TMEM38B: variants seen among roughly 807,000 people sequenced by gnomAD.
TMEM38B encodes the protein trimeric intracellular cation channel type B.
In TMEM38B, 24 loss-of-function variants were observed where a neutral mutation model predicts 28.7. The ratio of observed to expected loss-of-function variants is 0.84; its 90% confidence interval spans 0.61 to 1.18. The LOEUF is 1.18. Ranked by LOEUF, TMEM38B falls within the 50% of genes most tolerant of loss-of-function variation. TMEM38B has a pLI of 0.00. For missense variants in TMEM38B, 380 were observed against 350.9 expected, an observed-to-expected ratio of 1.08 and a Z score of -0.66; for synonymous variants, 131 against 127.7, an observed-to-expected ratio of 1.03 and a Z score of -0.17.
At chr9:105,708,992 A>AT (rs61703546) in intron 2 of TMEM38B, among the ~76,000 whole-genome samples, 11,227 of 140,978 alleles carry the variant, frequency 0.08, 846 homozygotes, top group African/African-American at 0.2. Flanking sequence ...CACGTTGGCT[A>AT]TTTTTTTTTT....
At position 105,722,385 on chromosome 9, in the gene TMEM38B, G is replaced by A. The variant is rs113678163; in HGVS notation, c.455-149G>A. On this transcript the variant is annotated intron_variant, in intron 3 of 5. Transcript: ENST00000374692. The stretch of plus-strand genomic sequence containing the variant: ...TTGCAGTTGTTTTAGTACCCTAAAT[G>A]TACAAGGCAACTTTTTTCTTCTTTC... 270 of 676,412 alleles carry A rather than the reference G, an allele frequency of 4.0e-4. 1 individual carries two copies. In the African/African-American group the frequency reaches 4.4e-3, roughly 11 times the overall value. 41.9% of individuals were successfully genotyped at this position (676,412 alleles called of 1,614,324 possible). A position where few individuals can be genotyped will look rare whatever the true frequency, so the allele number is the denominator to read the frequency against.
chr9:105,727,520 A>G (rs968113735), intron 4 of TMEM38B, among the ~76,000 whole-genome samples: 11 of 152,336 alleles, frequency 7.2e-5, no homozygotes, highest in African/African-American at 2.4e-4. Flanking sequence ...TGTATTATAT[A>G]CTTACTTGGT....
intron 5 of TMEM38B, among the ~76,000 whole-genome samples, chr9:105,756,757 CTT>C (rs888030580): frequency 2.6e-5 from 4 of 152,068 alleles, no homozygotes; most frequent in East Asian, 1.9e-4. Context: ...TTGAACATCT[CTT>C]ATAATATTTC....
At chr9:105,749,187 T>G in intron 5 of TMEM38B, 1 of 1,086,280 alleles carries the variant, frequency 9.2e-7, no homozygotes, top group Non-Finnish European at 1.2e-6. Flanking sequence ...TGTATATTTT[T>G]TTCTAACAGC....
At chr9:105,699,333 T>G (rs1350786460) in intron 1 of TMEM38B, among the ~76,000 whole-genome samples, 2 of 152,194 alleles carry the variant, frequency 1.3e-5, no homozygotes, top group Non-Finnish European at 2.9e-5. Flanking sequence ...CAGTGATTGA[T>G]TCTCTAGAAC....
intron 5 of TMEM38B, among the ~76,000 whole-genome samples, chr9:105,749,478 G>C (rs1489553226): frequency 6.6e-6 from 1 of 152,164 alleles, no homozygotes; most frequent in Non-Finnish European, 1.5e-5. Flanking sequence ...AGACCCTCAT[G>C]ATTCAGTTAC....
chr9:105,736,189 G>A (rs1836970998), intron 4 of TMEM38B, among the ~76,000 whole-genome samples: 1 of 151,728 alleles, frequency 6.6e-6, no homozygotes, highest in African/African-American at 2.4e-5. Context: ...TATTAAATAA[G>A]CTTTCTGTCC....
At chr9:105,728,535 G>A (rs1836612144) in intron 4 of TMEM38B, among the ~76,000 whole-genome samples, 1 of 152,132 alleles carries the variant, frequency 6.6e-6, no homozygotes, top group Non-Finnish European at 1.5e-5. Context: ...TATGAATAGT[G>A]CCGCAGTAAA....
At chr9:105,724,805 T>C (rs1836448520) in intron 4 of TMEM38B, among the ~76,000 whole-genome samples, 1 of 152,206 alleles carries the variant, frequency 6.6e-6, no homozygotes, top group South Asian at 2.1e-4. Context: ...ACTCTTGATA[T>C]TCAGGGGAGA....
chr9:105,734,683 A>G (rs1165674729), intron 4 of TMEM38B, among the ~76,000 whole-genome samples: 1 of 152,076 alleles, frequency 6.6e-6, no homozygotes, highest in African/African-American at 2.4e-5. Flanking sequence ...ATCATTAAAT[A>G]CTGACCTTTG....
chr9:105,711,860 G>A (rs1835916234), intron 2 of TMEM38B, among the ~76,000 whole-genome samples: 1 of 150,886 alleles, frequency 6.6e-6, no homozygotes, highest in Non-Finnish European at 1.5e-5. Context: ...ATACAACTTT[G>A]TCACTTACCT....
chr9:105,745,662 C>T (rs1264813882), intron 4 of TMEM38B, among the ~76,000 whole-genome samples: 3 of 152,138 alleles, frequency 2.0e-5, no homozygotes, highest in Admixed American at 6.5e-5. Context: ...AGTCCTTGCC[C>T]ATGCCTATGT....
intron 5 of TMEM38B, among the ~76,000 whole-genome samples, chr9:105,773,589 A>G (rs1029146032): frequency 1.3e-5 from 2 of 152,096 alleles, no homozygotes; most frequent in African/African-American, 4.8e-5. Context: ...ATTTTATCTT[A>G]CTTCCTTTGA....
intron 4 of TMEM38B, among the ~76,000 whole-genome samples, chr9:105,736,307 C>T (rs758027058): frequency 3.0e-4 from 45 of 151,930 alleles, no homozygotes; most frequent in Non-Finnish European, 5.9e-4. Flanking sequence ...CATTCTTTTT[C>T]CTTTTTCCTC....
At chr9:105,695,195 C>T (rs1835247687) in intron 1 of TMEM38B, among the ~76,000 whole-genome samples, 1 of 151,338 alleles carries the variant, frequency 6.6e-6, no homozygotes, top group Non-Finnish European at 1.5e-5. Flanking sequence ...GCAGTGTCGC[C>T]ACTCGCTCGC....
chr9:105,754,956 C>T (rs1199113826), intron 5 of TMEM38B, among the ~76,000 whole-genome samples: 3 of 152,080 alleles, frequency 2.0e-5, no homozygotes, highest in African/African-American at 7.2e-5. Context: ...TACAAACAAC[C>T]ATCTATATAG....
At chr9:105,695,252 T>C (rs1390916463) in intron 1 of TMEM38B, among the ~76,000 whole-genome samples, 2 of 147,012 alleles carry the variant, frequency 1.4e-5, no homozygotes, top group African/African-American at 5.4e-5. Context: ...TGACTCAGTC[T>C]CTTGGAGTAA....
At chr9:105,701,176 C>T (rs1377648310) in intron 1 of TMEM38B, 1 of 152,168 alleles carries the variant, frequency 6.6e-6, no homozygotes, top group African/African-American at 2.4e-5. Flanking sequence ...CTACTGAGTT[C>T]TATTTAAATA....
intron 4 of TMEM38B, among the ~76,000 whole-genome samples, chr9:105,731,735 T>G (rs1836757552): frequency 6.6e-6 from 1 of 152,234 alleles, no homozygotes; most frequent in South Asian, 2.1e-4. Context: ...GTTCCAAGTC[T>G]TTGCTATTGT....
Sources: allele counts gnomAD v4.1 joint callset (sites outside exome capture counted in the v4.1 genomes callset), GRCh38; gene constraint gnomAD v4.1.1; transcripts MANE v1.5; gene names NCBI Gene and HGNC (gene_info 2026-07-23, HGNC 2026-07-21).